Variants in OR14A2 observed in about 807,000 individuals in gnomAD.
The protein encoded by OR14A2 is olfactory receptor family 14 subfamily A member 2.
For missense variants in OR14A2, 237 were observed against 152.9 expected (o/e 1.55, Z -2.90); for synonymous variants, 114 against 58.6 (o/e 1.95, Z -4.32).
chr1:247,730,183 C>T, the OR14A2 span, among the ~76,000 whole-genome samples: 1 of 152,026 alleles, frequency 6.6e-6, no homozygotes, highest in South Asian at 2.1e-4. Flanking sequence ...AAAGGTGGCT[C>T]CTGTAGATTG....
At chr1:247,739,536 A>C in the OR14A2 span, 5 of 778,108 alleles carry the variant, frequency 6.4e-6, no homozygotes, top group East Asian at 9.7e-5. Flanking sequence ...GAATGTTAGA[A>C]GCAGTGGGGT....
At chr1:247,727,648 A>T (rs2103205137), upstream of OR14A2, among the ~76,000 whole-genome samples, 2 of 148,730 alleles carry the variant, frequency 1.3e-5, no homozygotes, top group Admixed American at 1.3e-4. Context: ...GTTTTTTGAA[A>T]GGATCAACAA....
chr1:247,739,302 C>CA, the OR14A2 span: 1 of 780,836 alleles, frequency 1.3e-6, no homozygotes, highest in Non-Finnish European at 2.4e-6. Flanking sequence ...ATCACAGAGA[C>CA]AGAGACAATC....
At chr1:247,739,459 C>T in the OR14A2 span, 5 of 780,684 alleles carry the variant, frequency 6.4e-6, no homozygotes, top group Admixed American at 6.8e-5. Flanking sequence ...GCACCTCCAA[C>T]CTTGAACCCT....
At chr1:247,739,617 C>T in the OR14A2 span, 12 of 679,738 alleles carry the variant, frequency 1.8e-5, no homozygotes, top group Non-Finnish European at 3.2e-5. Flanking sequence ...CATCCACTAG[C>T]TGTTTAAAAT....
At chr1:247,736,126 C>A in the OR14A2 span, among the ~76,000 whole-genome samples, 1 of 151,308 alleles carries the variant, frequency 6.6e-6, no homozygotes, top group Non-Finnish European at 1.5e-5. Context: ...GAAACATTTT[C>A]CGGAGCTGAA....
the OR14A2 span, among the ~76,000 whole-genome samples, chr1:247,735,229 A>T: frequency 6.6e-6 from 1 of 152,196 alleles, no homozygotes; most frequent in Non-Finnish European, 1.5e-5. Flanking sequence ...GATCCAAGGG[A>T]AGTGTGATGG....
At chr1:247,739,283 G>A in the OR14A2 span, 4 of 780,734 alleles carry the variant, frequency 5.1e-6, no homozygotes, top group African/African-American at 1.7e-5. Context: ...TCTCTGCTGT[G>A]TTAAGGATAT....
chr1:247,741,650 GA>G, the OR14A2 span, among the ~76,000 whole-genome samples: 1 of 151,854 alleles, frequency 6.6e-6, no homozygotes, highest in African/African-American at 2.4e-5. Flanking sequence ...AGTTTCAATG[GA>G]AAAAAAGGGT....
chr1:247,735,907 A>C, the OR14A2 span, among the ~76,000 whole-genome samples: 1 of 152,222 alleles, frequency 6.6e-6, no homozygotes, highest in Admixed American at 6.5e-5. Flanking sequence ...AAGAAGTCCT[A>C]AATTACTTAG....
At chr1:247,731,114 T>C in the OR14A2 span, among the ~76,000 whole-genome samples, 2 of 152,132 alleles carry the variant, frequency 1.3e-5, no homozygotes, top group Non-Finnish European at 2.9e-5. Flanking sequence ...ATTCTAAAGA[T>C]CTTACTTCAG....
At chr1:247,742,034 C>G in the OR14A2 span, among the ~76,000 whole-genome samples, 416 of 152,130 alleles carry the variant, frequency 2.7e-3, 3 homozygotes, top group African/African-American at 9.7e-3. Flanking sequence ...AAAGGAATTC[C>G]GAGTATCTGG....
At chr1:247,733,175 A>C in the OR14A2 span, among the ~76,000 whole-genome samples, 5 of 152,142 alleles carry the variant, frequency 3.3e-5, no homozygotes, top group Admixed American at 6.6e-5. Flanking sequence ...TTTCGTTCCT[A>C]GTGAGCAGAT....
chr1:247,724,860 C>T (rs929316798), upstream of OR14A2, among the ~76,000 whole-genome samples: 9 of 151,962 alleles, frequency 5.9e-5, no homozygotes, highest in African/African-American at 2.2e-4. Flanking sequence ...GGTCAGTTGT[C>T]GGTAATTTAC....
At chr1:247,736,524 C>A in the OR14A2 span, among the ~76,000 whole-genome samples, 3 of 152,088 alleles carry the variant, frequency 2.0e-5, no homozygotes, top group Non-Finnish European at 4.4e-5. Context: ...CTAATGCTAT[C>A]ACTCATTTCA....
the OR14A2 span, among the ~76,000 whole-genome samples, chr1:247,743,198 T>C: frequency 3.9e-5 from 6 of 152,266 alleles, no homozygotes; most frequent in East Asian, 9.7e-4. Flanking sequence ...GAGTGCTTCC[T>C]GACTGTGGTG....
chr1:247,738,752 C>CATAGACG, the OR14A2 span: 4 of 780,734 alleles, frequency 5.1e-6, no homozygotes, highest in Non-Finnish European at 9.6e-6. Context: ...TCATTCTCCT[C>CATAGACG]ATGATTCTGG....
chr1:247,731,871 T>A, the OR14A2 span, among the ~76,000 whole-genome samples: 1 of 152,174 alleles, frequency 6.6e-6, no homozygotes, highest in African/African-American at 2.4e-5. Context: ...TTTATTTTCT[T>A]TTCACATCTT....
the OR14A2 span, among the ~76,000 whole-genome samples, chr1:247,742,522 T>C: frequency 5.5e-4 from 84 of 152,300 alleles, no homozygotes; most frequent in African/African-American, 1.9e-3. Flanking sequence ...TGGAATGTAA[T>C]CTGACATCAC....
Sources: allele counts gnomAD v4.1 joint callset (sites outside exome capture counted in the v4.1 genomes callset), GRCh38; gene constraint gnomAD v4.1.1; transcripts MANE v1.5; gene names NCBI Gene and HGNC (gene_info 2026-07-23, HGNC 2026-07-21).